The following MACROD2 variants were observed in gnomAD, a reference collection of about 807,000 sequenced individuals.
MACROD2 encodes mono-ADP ribosylhydrolase 2.
Under a neutral mutation model 70.4 loss-of-function variants are expected in MACROD2, and 36 were observed. The ratio of observed to expected loss-of-function variants is 0.51; its 90% CI spans 0.39 to 0.68. MACROD2 has a LOEUF of 0.68. MACROD2 is among the 30% of genes least tolerant of loss of function. The pLI, the probability that MACROD2 is intolerant of heterozygous loss-of-function variation, is 0.00. For missense variants in MACROD2, 496 were observed against 538.4 expected (o/e 0.92, Z 0.78); for synonymous variants, 172 against 178.8 (o/e 0.96, Z 0.30).
At chr20:14,572,172 A>G (rs1268753290) in intron 4 of MACROD2, among the ~76,000 whole-genome samples, 1 of 152,080 alleles carries the variant, frequency 6.6e-6, no homozygotes, top group Non-Finnish European at 1.5e-5. Context: ...TATCATCTCT[A>G]TTTTTAAAGT....
chr20:15,787,723 T>A (rs1039339084), intron 8 of MACROD2, among the ~76,000 whole-genome samples: 2 of 152,202 alleles, frequency 1.3e-5, no homozygotes, highest in East Asian at 1.9e-4. Context: ...TCTTCTTTTT[T>A]AAAAAATTTA....
chr20:14,256,508 C>T (rs1197818401), intron 3 of MACROD2, among the ~76,000 whole-genome samples: 1 of 151,750 alleles, frequency 6.6e-6, no homozygotes, highest in African/African-American at 2.4e-5. Flanking sequence ...TGTTATATTC[C>T]CTTAGAGAAG....
At chr20:14,266,795 A>G (rs1233700203) in intron 3 of MACROD2, among the ~76,000 whole-genome samples, 1 of 152,216 alleles carries the variant, frequency 6.6e-6, no homozygotes, top group Admixed American at 6.5e-5. Flanking sequence ...TGTATAAAGT[A>G]TACCATAAAA....
At chr20:15,614,387 AAC>A (rs2049009751) in intron 8 of MACROD2, among the ~76,000 whole-genome samples, 1 of 152,190 alleles carries the variant, frequency 6.6e-6, no homozygotes, top group Non-Finnish European at 1.5e-5. Context: ...TAGCTTCTAA[AAC>A]ACATATTTTT....
At chr20:14,021,524 C>T (rs1013503753) in intron 2 of MACROD2, among the ~76,000 whole-genome samples, 1 of 152,144 alleles carries the variant, frequency 6.6e-6, no homozygotes, top group Admixed American at 6.5e-5. Flanking sequence ...ACAGAACTTT[C>T]CTGCTCTTTG....
At chr20:15,558,465 G>T (rs2048198163) in intron 8 of MACROD2, among the ~76,000 whole-genome samples, 1 of 152,240 alleles carries the variant, frequency 6.6e-6, no homozygotes, top group Non-Finnish European at 1.5e-5. Context: ...CCAACCTAAT[G>T]CTTTGTCCCA....
At chr20:14,674,592 A>G (rs1261093285) in intron 4 of MACROD2, among the ~76,000 whole-genome samples, 1 of 152,170 alleles carries the variant, frequency 6.6e-6, no homozygotes, top group Non-Finnish European at 1.5e-5. Context: ...GCTGTCTGAC[A>G]CCTTAACCAT....
intron 9 of MACROD2, among the ~76,000 whole-genome samples, chr20:15,878,039 A>G (rs1044336630): frequency 3.3e-5 from 5 of 151,724 alleles, no homozygotes; most frequent in Non-Finnish European, 5.9e-5. Context: ...TCCTTTTCTC[A>G]TGCCACCCAC....
chr20:15,383,364 C>T (rs560800848), intron 6 of MACROD2, among the ~76,000 whole-genome samples: 6 of 152,132 alleles, frequency 3.9e-5, no homozygotes, highest in Non-Finnish European at 7.4e-5. Flanking sequence ...ATCCTTACAG[C>T]ACTGAGAAGA....
intron 3 of MACROD2, among the ~76,000 whole-genome samples, chr20:14,446,623 C>T (rs776814048): frequency 2.6e-5 from 4 of 152,036 alleles, no homozygotes; most frequent in Non-Finnish European, 4.4e-5. Flanking sequence ...CAGGGCCTCC[C>T]AGTTCTCAGA....
At chr20:15,751,187 G>A (rs1400778625) in intron 8 of MACROD2, among the ~76,000 whole-genome samples, 1 of 152,014 alleles carries the variant, frequency 6.6e-6, no homozygotes, top group Non-Finnish European at 1.5e-5. Flanking sequence ...TGGTCACACT[G>A]AATGTCTGGA....
At chr20:15,402,576 C>G (rs902093265) in intron 6 of MACROD2, among the ~76,000 whole-genome samples, 1 of 152,022 alleles carries the variant, frequency 6.6e-6, no homozygotes, top group Non-Finnish European at 1.5e-5. Context: ...CAAAAGGCTC[C>G]AAAATGGAAA....
intron 3 of MACROD2, among the ~76,000 whole-genome samples, chr20:14,478,855 C>T (rs13041262): frequency 0.15 from 22,572 of 151,922 alleles, 2,382 homozygotes; most frequent in Non-Finnish European, 0.21. Flanking sequence ...TTTGGTGGGC[C>T]TTGTGTATCT....
At chr20:15,123,955 TCTGA>T (rs1428172056) in intron 5 of MACROD2, among the ~76,000 whole-genome samples, 1 of 152,152 alleles carries the variant, frequency 6.6e-6, no homozygotes, top group Non-Finnish European at 1.5e-5. Flanking sequence ...CATAAAACTT[TCTGA>T]CTCTCAGCTT....
intron 3 of MACROD2, among the ~76,000 whole-genome samples, chr20:14,167,528 C>A (rs182108322): frequency 6.6e-6 from 1 of 151,604 alleles, no homozygotes; most frequent in Non-Finnish European, 1.5e-5. Context: ...GAATTACAGG[C>A]GCCCACCACC....
intron 15 of MACROD2, among the ~76,000 whole-genome samples, chr20:16,001,695 C>T (rs1447119094): frequency 6.6e-6 from 1 of 151,788 alleles, no homozygotes; most frequent in Non-Finnish European, 1.5e-5. Flanking sequence ...ATTTTTTTTC[C>T]ATTTGTCATA....
chr20:14,097,547 A>G (rs1215216610), intron 3 of MACROD2, among the ~76,000 whole-genome samples: 1 of 152,216 alleles, frequency 6.6e-6, no homozygotes, highest in Non-Finnish European at 1.5e-5. Flanking sequence ...GTGATTAATT[A>G]TAGAGGACTT....
chr20:15,189,244 ATT>A (rs760108211), intron 5 of MACROD2, among the ~76,000 whole-genome samples: 60 of 141,358 alleles, frequency 4.2e-4, no homozygotes, highest in African/African-American at 1.4e-3. Context: ...ACCAGGACTT[ATT>A]TTTTTTTTTT....
intron 8 of MACROD2, among the ~76,000 whole-genome samples, chr20:15,670,592 AT>A (rs2049460551): frequency 6.6e-6 from 1 of 152,196 alleles, no homozygotes; most frequent in African/African-American, 2.4e-5. Context: ...CATCTGAGAC[AT>A]TTTTTATAAC....
Sources: gnomAD v4.1 joint callset for allele counts (sites outside exome capture counted in the v4.1 genomes callset) on GRCh38, gnomAD v4.1.1 for gene constraint, MANE v1.5 for transcripts, NCBI Gene and HGNC (gene_info 2026-07-23, HGNC 2026-07-21) for gene names.